SNX1: variants seen among roughly 807,000 people sequenced by gnomAD.
The protein encoded by SNX1 is sorting nexin-1.
Under a neutral mutation model 71.8 loss-of-function variants are expected in SNX1, and 36 were observed. That is an observed-to-expected ratio of 0.50 (90% CI 0.38 to 0.66). The LOEUF (loss-of-function observed/expected upper bound fraction) is 0.66, where lower values mean the gene tolerates loss of function less well. Among genes scored for constraint, SNX1 ranks in the 30% least tolerant of loss-of-function variants. The pLI, the probability that SNX1 is intolerant of heterozygous loss-of-function variation, is 0.00. For synonymous variants in SNX1, 254 were observed against 240.7 expected (o/e 1.06, Z -0.51); for missense variants, 612 against 646.7 (o/e 0.95, Z 0.58).
In SNX1 at chr15:64,096,065, T is replaced by G. The variant is rs2080895087; in HGVS notation, c.52T>G (p.Phe18Val). The stretch of plus-strand genomic sequence containing the variant: ...CGCTTCGGAGAGACTGCCTCCGCCC[T>G]TCCCCGGCCTGGAGCCGGAGTCCGA... ...CSASERLPPP[F>V]PGLEPESEGA... The change falls in exon 1 of 15, where the codon TTC becomes GTC. Residue 18 changes from phenylalanine to valine, a missense_variant. Around this residue, in one of 2 missense-constraint regions of SNX1, gnomAD observed 316 missense variants for 284.9 expected, o/e 1.11. Transcript: ENST00000559844. The G allele has an allele frequency of 1.3e-6, 2 of 1,585,070 alleles. No individual in the cohort carries two copies. The highest frequency in any genetic ancestry group is 1.7e-6 in the Non-Finnish European group (2 of 1,169,396).
rs35526278 is a variant in SNX1 at position 64,120,266 on chromosome 15, C to CTTT, written c.466+1433_466+1435dup. 5.7e-4 allele frequency among the ~76,000 whole-genome samples: 38 copies of CTTT among 67,082 alleles called. 2 individuals are homozygous for CTTT. The highest frequency in any genetic ancestry group is 1.7e-3 in the African/African-American group (30 of 17,640). The allele number at this position is 67,082 out of a possible 152,430, so 44.0% of individuals were successfully genotyped here. ...TTAGACTTTATGCCAAAATGGTTGTCTTTTTTTTTTTTTTTTTTTTTTTGA... is the reference window on the plus strand; with the variant it reads ...TTAGACTTTATGCCAAAATGGTTGTCTTTTTTTTTTTTTTTTTTTTTTTTTTGA... On this transcript the variant is annotated intron_variant, in intron 4 of 14. Transcript: ENST00000559844.
intron 2 of SNX1, chr15:64,115,602 T>A (rs2093715752): frequency 2.5e-6 from 1 of 403,488 alleles, no homozygotes; most frequent in Admixed American, 3.0e-5. Flanking sequence ...CTCACTCTGT[T>A]GCCCAGGCTG....
chr15:64,143,353 G>A lies in SNX1; in HGVS notation c.*5735G>A, dbSNP rs965688351. 6.6e-6 allele frequency: 1 copy of A among 152,212 alleles called. No individual in the cohort carries two copies. Among genetic ancestry groups the A allele is most frequent in the African/African-American group, 2.4e-5 (1 of 41,446 alleles). The allele number at this position is 152,212 out of a possible 1,614,324, so 9.4% of individuals were successfully genotyped here. ...TAACTGCATCTTGTGATAAAGTTGG[G>A]TGATTTACAGTCTCCACCAAATGCT... On this transcript the variant is annotated 3_prime_UTR_variant, in exon 15 of 15. Transcript: ENST00000559844.
At position 64,096,059 on chromosome 15, in the gene SNX1, C is replaced by G. The variant is rs201234536; in HGVS notation, c.46C>G (p.Pro16Ala). ...GGCSASERLP[P>A]PFPGLEPESE... is the part of the protein sequence containing the mutation. ...CTGTAGCGCTTCGGAGAGACTGCCT[C>G]CGCCCTTCCCCGGCCTGGAGCCGGA... The change falls in exon 1 of 15, where the codon CCG (proline) becomes GCG (alanine). Residue 16 changes from proline to alanine, a missense_variant. Around this residue, in one of 2 missense-constraint regions of SNX1, gnomAD observed 316 missense variants for 284.9 expected, o/e 1.11. Transcript: ENST00000559844. The G allele has an allele frequency of 1.3e-6, 2 of 1,586,830 alleles. No homozygotes were observed.
Position 64,142,797 on chromosome 15 carries a change from A to G in SNX1, c.*5179A>G. The G allele has an allele frequency of 2.6e-6, 1 of 387,894 alleles. No homozygotes were observed. The allele number at this position is 387,894 out of a possible 1,614,324, so 24.0% of individuals were successfully genotyped here. On this transcript the variant is annotated 3_prime_UTR_variant, in exon 15 of 15. Transcript: ENST00000559844. Reference sequence around the variant, plus strand: ...GTGTCAGTACTCAGTGACAAAATAAATGAGAGAAACGGGAATAAGAATTGT... The same window carrying G: ...GTGTCAGTACTCAGTGACAAAATAAGTGAGAGAAACGGGAATAAGAATTGT...
chr15:64,119,601 A>G lies in SNX1; in HGVS notation c.466+747A>G, dbSNP rs760784259. On this transcript the variant is annotated intron_variant, in intron 4 of 14. Transcript: ENST00000559844. The stretch of plus-strand genomic sequence containing the variant: ...TGACCAGGCATGGTGGTGTGCGCCT[A>G]TAATCGCACCTACTCAGGAGGCTGA... 2.3e-4 allele frequency among the ~76,000 whole-genome samples: 35 copies of G among 152,056 alleles called. 1 individual carries two copies. Among genetic ancestry groups the G allele is most frequent in the Admixed American group, 1.4e-3 (21 of 15,262 alleles).
chr15:64,108,040 A>G (rs188257693), intron 1 of SNX1, among the ~76,000 whole-genome samples: 1 of 152,084 alleles, frequency 6.6e-6, no homozygotes, highest in East Asian at 1.9e-4. Context: ...AAAAATACAA[A>G]AAATTAGCCC....
At position 64,140,400 on chromosome 15, in the gene SNX1, G is replaced by C. The variant is rs2081401381; in HGVS notation, c.*2782G>C. The C allele has an allele frequency of 6.6e-6, 1 of 152,082 alleles. No individual in the cohort carries two copies. The highest frequency in any genetic ancestry group is 1.5e-5 in the Non-Finnish European group (1 of 68,020). The allele number at this position is 152,082 out of a possible 1,614,324, so 9.4% of individuals were successfully genotyped here. ...CTCAAATTGTCCCAGATTTATAGCG[G>C]CCTCTTGTGTGTTTGTAGCTTGCTC... On this transcript the variant is annotated 3_prime_UTR_variant, in exon 15 of 15. Coordinates refer to ENST00000559844, the MANE Select transcript of SNX1 (RefSeq NM_003099.5).
intron 10 of SNX1, 40 bp from the exon 11 acceptor site, chr15:64,131,647 T>C (rs745330678): frequency 6.3e-7 from 1 of 1,593,242 alleles, no homozygotes; most frequent in South Asian, 1.1e-5. Flanking sequence ...CTTTTCCTTG[T>C]GAGATCAGAG....
At chr15:64,132,962 G>A (rs560005428) in intron 11 of SNX1, among the ~76,000 whole-genome samples, 1 of 152,348 alleles carries the variant, frequency 6.6e-6, no homozygotes, top group African/African-American at 2.4e-5. Flanking sequence ...CACCCTCTGG[G>A]GGAAGCTTTC....
At chr15:64,106,699 G>A (rs1471040569) in intron 1 of SNX1, among the ~76,000 whole-genome samples, 3 of 152,172 alleles carry the variant, frequency 2.0e-5, no homozygotes, top group South Asian at 2.1e-4. Context: ...TATGAAAGAC[G>A]ATATGGAAGA....
chr15:64,096,438 C>A (rs1048917135), intron 1 of SNX1, among the ~76,000 whole-genome samples: 2 of 152,220 alleles, frequency 1.3e-5, no homozygotes, highest in Non-Finnish European at 2.9e-5. Context: ...CGTCCTTTGA[C>A]CCTGCAGTGT....
At chr15:64,120,266 C>CTTTTTTTTTTT (rs35526278) in intron 4 of SNX1, among the ~76,000 whole-genome samples, 9 of 67,100 alleles carry the variant, frequency 1.3e-4, no homozygotes, top group African/African-American at 5.1e-4. Flanking sequence ...AAATGGTTGT[C>CTTTTTTTTTTT]TTTTTTTTTT....
chr15:64,128,896 C>G (rs2081279415), intron 8 of SNX1, among the ~76,000 whole-genome samples: 1 of 152,068 alleles, frequency 6.6e-6, no homozygotes, highest in African/African-American at 2.4e-5. Flanking sequence ...ATAACAACCA[C>G]AATCATCTCC....
intron 10 of SNX1, 51 bp from the exon 11 acceptor site, chr15:64,131,636 C>T (rs1417348783): frequency 6.3e-7 from 1 of 1,575,710 alleles, no homozygotes; most frequent in Non-Finnish European, 8.7e-7. Flanking sequence ...CTGATTTGTC[C>T]CTTTTCCTTG....
At chr15:64,130,163 T>C in intron 9 of SNX1, 65 bp from the exon 10 acceptor site, 1 of 1,516,830 alleles carries the variant, frequency 6.6e-7, no homozygotes, top group Non-Finnish European at 9.1e-7. Flanking sequence ...AAACAACTGC[T>C]AAAGAAAGAC....
At chr15:64,105,824 A>G (rs1243676671) in intron 1 of SNX1, among the ~76,000 whole-genome samples, 1 of 151,954 alleles carries the variant, frequency 6.6e-6, no homozygotes, top group Non-Finnish European at 1.5e-5. Flanking sequence ...GCTTCATGCT[A>G]TTTTCCCCAT....
At chr15:64,121,503 C>A (rs2081196607) in intron 4 of SNX1, among the ~76,000 whole-genome samples, 2 of 152,154 alleles carry the variant, frequency 1.3e-5, no homozygotes, top group African/African-American at 4.8e-5. Flanking sequence ...GTGCACATTC[C>A]CTCTTTAACA....
In SNX1 at chr15:64,096,183, A is replaced by C. The variant is rs1209264390; in HGVS notation, c.159+11A>C. 1.3e-6 allele frequency: 2 copies of C among 1,548,276 alleles called. No homozygotes were observed. The highest frequency in any genetic ancestry group is 2.4e-5 in the East Asian group (1 of 40,840). ...GGCGCCGCGGTGGTCGTGAGTTTGCACCCCTCGGGGTAGCAGGCGGGAGGG... is the reference window on the plus strand; with the variant it reads ...GGCGCCGCGGTGGTCGTGAGTTTGCCCCCCTCGGGGTAGCAGGCGGGAGGG... On this transcript the variant is annotated intron_variant, in intron 1 of 14. Coordinates refer to ENST00000559844, the MANE Select transcript of SNX1 (RefSeq NM_003099.5).
Sources: allele counts gnomAD v4.1 joint callset (sites outside exome capture counted in the v4.1 genomes callset), GRCh38; gene constraint gnomAD v4.1.1; regional missense constraint gnomAD v4.1.1; transcripts MANE v1.5; gene names NCBI Gene and HGNC (gene_info 2026-07-23, HGNC 2026-07-21).